The following TENM3 variants were observed in gnomAD, a reference collection of about 807,000 sequenced individuals.
TENM3 encodes teneurin-3.
In TENM3, 63 loss-of-function variants were observed where a neutral mutation model predicts 255.1. The observed-to-expected ratio is 0.25, with a 90% CI of 0.20 to 0.30. TENM3 has a LOEUF of 0.30. TENM3 is among the 10% of genes least tolerant of loss of function. The pLI, the probability that TENM3 is intolerant of heterozygous loss-of-function variation, is 1.00. For synonymous variants in TENM3, 1,306 were observed against 1,322.3 expected (o/e 0.99, Z 0.27); for missense variants, 2,929 against 3,461.1 (o/e 0.85, Z 3.86).
chr4:182,771,961 A>G (rs1764268470), intron 22 of TENM3, among the ~76,000 whole-genome samples: 1 of 152,082 alleles, frequency 6.6e-6, no homozygotes, highest in Admixed American at 6.5e-5. Context: ...GCAGCGTGGC[A>G]GGTTGTCAGA....
intron 4 of TENM3, among the ~76,000 whole-genome samples, chr4:182,624,431 G>T (rs944733277): frequency 6.6e-6 from 1 of 152,102 alleles, no homozygotes; most frequent in African/African-American, 2.4e-5. Flanking sequence ...TGCTACTTCT[G>T]TCCCTTCGAG....
Position 182,422,947 on chromosome 4 carries a change from T to G in TENM3, c.511+76018T>G, listed in dbSNP as rs183129008. Among the ~76,000 whole-genome samples, 5 of 152,336 alleles carry G rather than the reference T, an allele frequency of 3.3e-5. No individual in the cohort carries two copies. In the East Asian group the frequency reaches 9.7e-4, roughly 29 times the overall value. On this transcript the variant is annotated intron_variant, in intron 3 of 27. Transcript: ENST00000511685. ...GCTCACGGAGCTCGTAGGTAGCAGG[T>G]TGGTCTCCATCCAGAGGCCTTGTTC...
rs76767095 is a variant in TENM3, at chr4:182,552,131, C to G, written c.512-48793C>G. Among the ~76,000 whole-genome samples the G allele has an allele frequency of 9.8e-4, 149 of 151,974 alleles. 2 individuals carry two copies. The East Asian group carries it at 0.023, about 23-fold the overall frequency. Reference sequence around the variant, plus strand: ...CTTTTCTAGAGTTAGCTTTTTTCTCCTTTCTTGTTCCATGACTTAAAAATA... The same window carrying G: ...CTTTTCTAGAGTTAGCTTTTTTCTCGTTTCTTGTTCCATGACTTAAAAATA... On this transcript the variant is annotated intron_variant, in intron 3 of 27. Transcript: ENST00000511685.
the TENM3 span, among the ~76,000 whole-genome samples, chr4:181,478,533 G>A: frequency 6.6e-6 from 1 of 152,124 alleles, no homozygotes. Context: ...CAAGCTTCAG[G>A]TTGTAACCGC....
intron 1 of TENM3, among the ~76,000 whole-genome samples, chr4:182,223,415 C>T (rs1755959565): frequency 6.6e-6 from 1 of 151,816 alleles, no homozygotes; most frequent in African/African-American, 2.4e-5. Flanking sequence ...GGGGTTTCTA[C>T]CATTTGCTAA....
chr4:182,324,236 C>G lies in TENM3; in HGVS notation c.216C>G (p.Asp72Glu), dbSNP rs1259932978. The G allele has an allele frequency of 1.2e-6, 2 of 1,613,116 alleles. No individual in the cohort carries two copies. Among genetic ancestry groups the G allele is most frequent in the Non-Finnish European group, 1.7e-6 (2 of 1,179,114 alleles). ...RVKDLVHREA[D>E]EFTRQGQNFT... ...AGGATTTGGTTCACAGAGAAGCAGACGAGTTCACTAGACAAGGTGGGTAAC... is the reference window on the plus strand; with the variant it reads ...AGGATTTGGTTCACAGAGAAGCAGAGGAGTTCACTAGACAAGGTGGGTAAC... The change falls in exon 2 of 28, where the codon GAC becomes GAG. Residue 72 changes from aspartate (D) to glutamate (E), a missense_variant. This residue lies in a region of TENM3 where 283 missense variants were observed against 256.9 expected (regional missense o/e 1.10). Transcript: ENST00000511685.
At chr4:181,985,123 A>G in the TENM3 span, among the ~76,000 whole-genome samples, 6 of 152,148 alleles carry the variant, frequency 3.9e-5, no homozygotes, top group African/African-American at 1.4e-4. Context: ...AGAGGGATGC[A>G]TACATAAAGT....
the TENM3 span, among the ~76,000 whole-genome samples, chr4:181,710,773 T>C: frequency 6.6e-6 from 1 of 151,342 alleles, no homozygotes; most frequent in African/African-American, 2.4e-5. Context: ...GGTCTTGAAC[T>C]CCTTGGCTCA....
At chr4:182,605,170 A>G (rs1194669520) in intron 4 of TENM3, among the ~76,000 whole-genome samples, 2 of 152,168 alleles carry the variant, frequency 1.3e-5, no homozygotes, top group Non-Finnish European at 2.9e-5. Context: ...ACCTCCACCC[A>G]CTTACTGATA....
chr4:182,054,634 G>T, the TENM3 span, among the ~76,000 whole-genome samples: 1 of 152,108 alleles, frequency 6.6e-6, no homozygotes, highest in East Asian at 1.9e-4. Flanking sequence ...ATATTAGATT[G>T]TCATTAGATT....
chr4:182,388,823 C>A (rs909879788), intron 3 of TENM3, among the ~76,000 whole-genome samples: 1 of 152,172 alleles, frequency 6.6e-6, no homozygotes, highest in African/African-American at 2.4e-5. Context: ...ACACCAGAAT[C>A]ATTTTGAAAA....
the TENM3 span, among the ~76,000 whole-genome samples, chr4:181,794,772 C>A: frequency 6.6e-6 from 1 of 151,028 alleles, no homozygotes; most frequent in Non-Finnish European, 1.5e-5. Context: ...CGGGTTGGAT[C>A]CAAGAAATTT....
the TENM3 span, among the ~76,000 whole-genome samples, chr4:181,608,049 A>T: frequency 6.6e-6 from 1 of 152,230 alleles, no homozygotes; most frequent in African/African-American, 2.4e-5. Context: ...AGCAATTGGC[A>T]TGTAGGTTTG....
the TENM3 span, among the ~76,000 whole-genome samples, chr4:181,864,937 T>C: frequency 1.3e-5 from 2 of 152,222 alleles, no homozygotes. Context: ...GCTGATTCTA[T>C]GGCTCAGATA....
chr4:182,480,933 G>A (rs1349474134), intron 3 of TENM3, among the ~76,000 whole-genome samples: 3 of 152,068 alleles, frequency 2.0e-5, no homozygotes, highest in African/African-American at 7.2e-5. Context: ...ATTTTATTGA[G>A]TTTGAAAGGC....
At chr4:182,683,541 G>C (rs895894916) in intron 11 of TENM3, among the ~76,000 whole-genome samples, 1 of 152,152 alleles carries the variant, frequency 6.6e-6, no homozygotes, top group African/African-American at 2.4e-5. Flanking sequence ...TTAAATAAAA[G>C]ATTAGCAAAG....
At chr4:182,773,398 T>A (rs1185417405) in intron 22 of TENM3, 74 bp from the exon 23 acceptor site, 1 of 1,359,426 alleles carries the variant, frequency 7.4e-7, no homozygotes, top group African/African-American at 1.5e-5. Context: ...CTAATATTGC[T>A]ACACATTATA....
chr4:181,596,554 A>C, the TENM3 span, among the ~76,000 whole-genome samples: 1 of 152,276 alleles, frequency 6.6e-6, no homozygotes, highest in East Asian at 1.9e-4. Context: ...CCAACTATTA[A>C]GTTTTTGACC....
the TENM3 span, among the ~76,000 whole-genome samples, chr4:181,636,683 C>T: frequency 2.0e-5 from 3 of 152,198 alleles, no homozygotes; most frequent in Non-Finnish European, 2.9e-5. Flanking sequence ...AGTGCAAGCG[C>T]CCATCGTGTC....
Sources: allele counts gnomAD v4.1 joint callset (sites outside exome capture counted in the v4.1 genomes callset), GRCh38; gene constraint gnomAD v4.1.1; regional missense constraint gnomAD v4.1.1; transcripts MANE v1.5; gene names NCBI Gene and HGNC (gene_info 2026-07-23, HGNC 2026-07-21).